Variants in NALF1 observed in about 807,000 individuals in gnomAD.
NALF1 encodes the protein family with sequence similarity 155 member A.
Under a neutral mutation model 48.4 loss-of-function variants are expected in NALF1, and 3 were observed. That is an observed-to-expected ratio of 0.06 (90% CI 0.03 to 0.16). NALF1 has a LOEUF of 0.16. Among genes scored for constraint, NALF1 ranks in the 10% least tolerant of loss-of-function variants. The probability of loss-of-function intolerance (pLI) is 1.00; values close to 1 mark genes in which losing one functional copy is unlikely to be tolerated. For synonymous variants in NALF1, 262 were observed against 245.7 expected (o/e 1.07, Z -0.62); for missense variants, 526 against 571.5 (o/e 0.92, Z 0.81).
intron 1 of NALF1, among the ~76,000 whole-genome samples, chr13:107,703,681 A>G (rs1257167383): frequency 6.6e-6 from 1 of 152,100 alleles, no homozygotes; most frequent in Non-Finnish European, 1.5e-5. Flanking sequence ...AAGCCCTATC[A>G]ATTCTAATCC....
At chr13:107,787,578 T>A (rs1377434828) in intron 1 of NALF1, among the ~76,000 whole-genome samples, 4 of 152,242 alleles carry the variant, frequency 2.6e-5, no homozygotes, top group African/African-American at 9.6e-5. Context: ...CGTGTCTTTT[T>A]CTGACTTTCA....
intron 1 of NALF1, among the ~76,000 whole-genome samples, chr13:107,659,154 CTT>C (rs1161138078): frequency 1.1e-4 from 16 of 151,886 alleles, no homozygotes; most frequent in Non-Finnish European, 2.4e-4. Context: ...CGCACTCAAA[CTT>C]GTCTTCCTAA....
At chr13:107,213,216 A>ATTT (rs538408078) in intron 1 of NALF1, among the ~76,000 whole-genome samples, 2 of 78,070 alleles carry the variant, frequency 2.6e-5, no homozygotes, top group African/African-American at 9.9e-5. Flanking sequence ...TCCTTTGCAG[A>ATTT]TTTTTTTTTA....
chr13:107,800,647 T>C (rs1424355757), intron 1 of NALF1, among the ~76,000 whole-genome samples: 2 of 139,394 alleles, frequency 1.4e-5, no homozygotes, highest in Admixed American at 7.0e-5. Flanking sequence ...ACATATAAGA[T>C]ATATAATATA....
At chr13:107,838,827 T>G (rs1326518173) in intron 1 of NALF1, among the ~76,000 whole-genome samples, 1 of 152,128 alleles carries the variant, frequency 6.6e-6, no homozygotes, top group African/African-American at 2.4e-5. Context: ...ATCTGCAGAG[T>G]TCGGGGATGT....
chr13:107,334,114 C>T (rs190531606), intron 1 of NALF1, among the ~76,000 whole-genome samples: 177 of 152,218 alleles, frequency 1.2e-3, no homozygotes, highest in African/African-American at 3.9e-3. Context: ...TAAATATTCT[C>T]ATTATAATTC....
intron 1 of NALF1, among the ~76,000 whole-genome samples, chr13:107,601,579 T>A (rs1426967041): frequency 2.0e-5 from 3 of 152,188 alleles, no homozygotes; most frequent in Non-Finnish European, 4.4e-5. Flanking sequence ...TTAGATTACC[T>A]CCTGACTATA....
At position 107,325,122 on chromosome 13, in the gene NALF1, G is replaced by A. The variant is rs139869961; in HGVS notation, c.916-114367C>T. ...ATATGGAAGTACTCAGTTAACATAT[G>A]ATTTATTTTTCACGTCCTAATATTA... is the stretch of plus-strand genomic sequence containing the variant. On this transcript the variant is annotated intron_variant, in intron 1 of 2. Transcript: ENST00000375915. Among the ~76,000 whole-genome samples, 320 of 152,188 alleles carry A rather than the reference G, an allele frequency of 2.1e-3. 2 individuals carry two copies. The highest frequency in any genetic ancestry group is 6.9e-3 in the African/African-American group (287 of 41,504).
intron 1 of NALF1, among the ~76,000 whole-genome samples, chr13:107,759,725 G>A (rs759996896): frequency 1.3e-5 from 2 of 150,894 alleles, no homozygotes; most frequent in Non-Finnish European, 2.9e-5. Context: ...CATCCTCTCT[G>A]TTTGGAGCCT....
intron 1 of NALF1, among the ~76,000 whole-genome samples, chr13:107,844,683 G>T (rs1050223882): frequency 1.3e-5 from 2 of 152,124 alleles, no homozygotes; most frequent in Non-Finnish European, 2.9e-5. Flanking sequence ...ACAATGGAAT[G>T]AATACATTTT....
At chr13:107,497,592 T>A (rs1158237652) in intron 1 of NALF1, among the ~76,000 whole-genome samples, 1 of 152,168 alleles carries the variant, frequency 6.6e-6, no homozygotes, top group Non-Finnish European at 1.5e-5. Flanking sequence ...CAGATCCACA[T>A]CCAATGCTAT....
chr13:107,759,596 A>T (rs1020722834), intron 1 of NALF1, among the ~76,000 whole-genome samples: 2 of 152,168 alleles, frequency 1.3e-5, no homozygotes, highest in Non-Finnish European at 2.9e-5. Flanking sequence ...TGGTTTTGTT[A>T]GTACCTGTCA....
intron 1 of NALF1, among the ~76,000 whole-genome samples, chr13:107,608,719 G>A (rs933848775): frequency 8.5e-5 from 13 of 152,320 alleles, no homozygotes; most frequent in African/African-American, 2.6e-4. Context: ...ATATGATTGT[G>A]TTGACTCCGA....
At chr13:107,829,844 T>C (rs1879657706) in intron 1 of NALF1, among the ~76,000 whole-genome samples, 1 of 152,174 alleles carries the variant, frequency 6.6e-6, no homozygotes, top group Non-Finnish European at 1.5e-5. Context: ...GTACATACGA[T>C]TTTTTAAATT....
At chr13:107,207,226 GAT>G (rs969134862) in intron 2 of NALF1, among the ~76,000 whole-genome samples, 4 of 151,292 alleles carry the variant, frequency 2.6e-5, no homozygotes, top group African/African-American at 7.3e-5. Flanking sequence ...CTTAAACTTT[GAT>G]ATATTTATTA....
At chr13:107,394,568 A>G (rs1419245883) in intron 1 of NALF1, among the ~76,000 whole-genome samples, 1 of 152,210 alleles carries the variant, frequency 6.6e-6, no homozygotes, top group African/African-American at 2.4e-5. Flanking sequence ...GTGATACTGC[A>G]TAGTCCAATT....
At chr13:107,750,569 A>G (rs1328825760) in intron 1 of NALF1, among the ~76,000 whole-genome samples, 1 of 151,580 alleles carries the variant, frequency 6.6e-6, no homozygotes, top group Non-Finnish European at 1.5e-5. Context: ...TTGATGTTGG[A>G]TTTTATTAAC....
intron 1 of NALF1, among the ~76,000 whole-genome samples, chr13:107,713,994 G>C (rs1875675975): frequency 1.3e-5 from 2 of 152,116 alleles, no homozygotes; most frequent in Admixed American, 1.3e-4. Flanking sequence ...AGAAGAAAGG[G>C]GCTCATGAGA....
intron 1 of NALF1, among the ~76,000 whole-genome samples, chr13:107,540,786 T>C (rs896979022): frequency 6.6e-6 from 1 of 152,144 alleles, no homozygotes; most frequent in Non-Finnish European, 1.5e-5. Flanking sequence ...TGTGGTGATG[T>C]ATACATTGGC....
Sources: gnomAD v4.1 joint callset for allele counts (sites outside exome capture counted in the v4.1 genomes callset) on GRCh38, gnomAD v4.1.1 for gene constraint, MANE v1.5 for transcripts, NCBI Gene and HGNC (gene_info 2026-07-23, HGNC 2026-07-21) for gene names.